PPARGC1A: variants seen among roughly 807,000 people sequenced by gnomAD.
PPARGC1A encodes PPARG coactivator 1 alpha.
In PPARGC1A, 25 loss-of-function variants were observed where a neutral mutation model predicts 88.7. That is an observed-to-expected ratio of 0.28 (90% CI 0.21 to 0.39). The LOEUF is 0.39. Among genes scored for constraint, PPARGC1A ranks in the 10% least tolerant of loss-of-function variants. The pLI, the probability that PPARGC1A is intolerant of heterozygous loss-of-function variation, is 1.00. For missense variants in PPARGC1A, 880 were observed against 968.7 expected (o/e 0.91, Z 1.22); for synonymous variants, 363 against 355.6 (o/e 1.02, Z -0.24).
chr4:24,046,442 G>A, the PPARGC1A span, among the ~76,000 whole-genome samples: 1 of 151,932 alleles, frequency 6.6e-6, no homozygotes, highest in Non-Finnish European at 1.5e-5. Context: ...CACTTCTTTG[G>A]TTCAGGCCCT....
chr4:24,299,246 G>C, the PPARGC1A span, among the ~76,000 whole-genome samples: 2 of 152,086 alleles, frequency 1.3e-5, no homozygotes, highest in Admixed American at 1.3e-4. Context: ...TTGTCAGCAT[G>C]AATCGCCACA....
In PPARGC1A at chr4:23,885,877, C is replaced by T. The variant is rs534680628; in HGVS notation, c.55-946G>A. Reference sequence around the variant, plus strand: ...AAATATCTCTACCATGGCTGGGCTGCTTATCACCAAGATTATTTTAGATTG... The same window carrying T: ...AAATATCTCTACCATGGCTGGGCTGTTTATCACCAAGATTATTTTAGATTG... On this transcript the variant is annotated intron_variant, in intron 1 of 12. Coordinates refer to ENST00000264867, the MANE Select transcript of PPARGC1A (RefSeq NM_013261.5). 2.6e-5 allele frequency among the ~76,000 whole-genome samples: 4 copies of T among 152,226 alleles called. No homozygotes were observed. The East Asian group carries it at 7.7e-4, about 29-fold the overall frequency.
At chr4:24,305,494 G>A in the PPARGC1A span, among the ~76,000 whole-genome samples, 1 of 152,110 alleles carries the variant, frequency 6.6e-6, no homozygotes, top group Non-Finnish European at 1.5e-5. Context: ...TACATGACTG[G>A]CATGAGATCT....
the PPARGC1A span, among the ~76,000 whole-genome samples, chr4:24,395,109 G>A: frequency 6.6e-6 from 1 of 152,118 alleles, no homozygotes; most frequent in Non-Finnish European, 1.5e-5. Context: ...CACCTTAGAC[G>A]AATAACAAAC....
intron 5 of PPARGC1A, among the ~76,000 whole-genome samples, chr4:23,827,412 GT>G (rs1724154123): frequency 6.6e-6 from 1 of 151,164 alleles, no homozygotes; most frequent in African/African-American, 2.4e-5. Context: ...AAAAGGAAAA[GT>G]TGGGAAAATG....
chr4:24,311,609 CA>C, the PPARGC1A span, among the ~76,000 whole-genome samples: 1 of 151,768 alleles, frequency 6.6e-6, no homozygotes, highest in Non-Finnish European at 1.5e-5. Flanking sequence ...CACTGCACTC[CA>C]GTCTGGGTGA....
chr4:24,031,399 C>T, the PPARGC1A span, among the ~76,000 whole-genome samples: 1 of 152,032 alleles, frequency 6.6e-6, no homozygotes, highest in Admixed American at 6.6e-5. Flanking sequence ...TGTCACCAAG[C>T]GATAGAGAGA....
At chr4:23,920,693 C>T in the PPARGC1A span, among the ~76,000 whole-genome samples, 2 of 152,224 alleles carry the variant, frequency 1.3e-5, no homozygotes, top group Non-Finnish European at 2.9e-5. Flanking sequence ...GCTCTATAAT[C>T]CTCACCCTCC....
At chr4:24,233,261 C>G in the PPARGC1A span, among the ~76,000 whole-genome samples, 1 of 152,150 alleles carries the variant, frequency 6.6e-6, no homozygotes, top group Non-Finnish European at 1.5e-5. Context: ...AATAGCCAAG[C>G]AAATATGATG....
At chr4:23,983,450 G>T in the PPARGC1A span, among the ~76,000 whole-genome samples, 4 of 152,078 alleles carry the variant, frequency 2.6e-5, no homozygotes, top group Admixed American at 6.5e-5. Flanking sequence ...ACTCATGCTG[G>T]ATATGCTAGG....
chr4:23,844,342 T>G (rs1201591486), intron 2 of PPARGC1A, among the ~76,000 whole-genome samples: 2 of 138,564 alleles, frequency 1.4e-5, no homozygotes, highest in African/African-American at 2.7e-5. Flanking sequence ...CTATATTATA[T>G]ATTATAATAT....
At chr4:24,296,752 T>G in the PPARGC1A span, among the ~76,000 whole-genome samples, 1 of 152,186 alleles carries the variant, frequency 6.6e-6, no homozygotes. Flanking sequence ...CCTTTATTAC[T>G]CTAACTGATT....
the PPARGC1A span, among the ~76,000 whole-genome samples, chr4:23,956,534 C>T: frequency 3.9e-5 from 6 of 152,034 alleles, no homozygotes; most frequent in Non-Finnish European, 1.5e-5. Context: ...TGTTTTTCTG[C>T]CACTAAAATA....
chr4:24,342,636 T>C, the PPARGC1A span, among the ~76,000 whole-genome samples: 2 of 152,228 alleles, frequency 1.3e-5, no homozygotes, highest in South Asian at 4.1e-4. Flanking sequence ...TTTCCTTCAT[T>C]AAGCTATGGT....
the PPARGC1A span, among the ~76,000 whole-genome samples, chr4:24,070,381 A>G: frequency 6.6e-6 from 1 of 152,212 alleles, no homozygotes; most frequent in African/African-American, 2.4e-5. Flanking sequence ...GATGGCAAAC[A>G]TATCTGGCTG....
the PPARGC1A span, among the ~76,000 whole-genome samples, chr4:24,003,573 C>T: frequency 1.3e-5 from 2 of 152,082 alleles, no homozygotes; most frequent in African/African-American, 4.8e-5. Flanking sequence ...ACCACACAGA[C>T]ATCTTCCCAG....
chr4:23,962,122 TA>T, the PPARGC1A span, among the ~76,000 whole-genome samples: 1 of 148,196 alleles, frequency 6.7e-6, no homozygotes, highest in African/African-American at 2.7e-5. Flanking sequence ...CTCATCTTTT[TA>T]TTTTTTTTTA....
At chr4:24,015,694 G>A in the PPARGC1A span, among the ~76,000 whole-genome samples, 2 of 152,202 alleles carry the variant, frequency 1.3e-5, no homozygotes, top group Non-Finnish European at 2.9e-5. Context: ...GACTCTAGAA[G>A]GTCTTCAAAG....
At chr4:24,308,632 C>T in the PPARGC1A span, among the ~76,000 whole-genome samples, 34 of 152,202 alleles carry the variant, frequency 2.2e-4, no homozygotes, top group Admixed American at 2.0e-3. Context: ...TTGGGTCTTC[C>T]AGAGGTGTCT....
Sources: allele counts gnomAD v4.1 joint callset (sites outside exome capture counted in the v4.1 genomes callset), GRCh38; gene constraint gnomAD v4.1.1; transcripts MANE v1.5; gene names NCBI Gene and HGNC (gene_info 2026-07-23, HGNC 2026-07-21).